Variants in FASTKD1 observed in about 807,000 individuals in gnomAD.
FASTKD1 encodes the protein FAST kinase domain-containing protein 1, mitochondrial.
FASTKD1 carries 94 observed loss-of-function variants against 90.9 expected under a neutral mutation model. That is an observed-to-expected ratio of 1.03 (90% confidence interval 0.88 to 1.23). The LOEUF (loss-of-function observed/expected upper bound fraction) is 1.23. Among genes scored for constraint, FASTKD1 ranks in the 50% most tolerant of loss-of-function variants. FASTKD1 has a pLI of 0.00. For missense variants in FASTKD1, 945 were observed against 993.5 expected, an observed-to-expected ratio of 0.95 and a Z score of 0.66; for synonymous variants, 319 against 345.8, an observed-to-expected ratio of 0.92 and a Z score of 0.86.
intron 9 of FASTKD1, among the ~76,000 whole-genome samples, chr2:169,542,502 G>A (rs888517721): frequency 6.6e-6 from 1 of 152,202 alleles, no homozygotes; most frequent in Non-Finnish European, 1.5e-5. Flanking sequence ...CTCACATATT[G>A]CTTCTGCTAA....
chr2:169,562,327 G>A (rs1245834047), intron 4 of FASTKD1, among the ~76,000 whole-genome samples: 4 of 151,694 alleles, frequency 2.6e-5, no homozygotes, highest in Admixed American at 2.6e-4. Flanking sequence ...CCACCTCCCA[G>A]GTTCAAGTAA....
intron 12 of FASTKD1, among the ~76,000 whole-genome samples, chr2:169,534,702 G>A (rs1040135175): frequency 1.3e-4 from 20 of 151,512 alleles, no homozygotes; most frequent in Middle Eastern, 3.4e-3. Flanking sequence ...CAGGTAATCC[G>A]CCCGCCTCTG....
chr2:169,554,117 A>AG (rs1351262650), intron 7 of FASTKD1, among the ~76,000 whole-genome samples: 19 of 149,508 alleles, frequency 1.3e-4, no homozygotes, highest in African/African-American at 4.2e-4. Context: ...ACAAAAAAAA[A>AG]AAAAATTAGC....
intron 7 of FASTKD1, 149 bp downstream of exon 7, chr2:169,554,975 C>A (rs2592823): frequency 0.4 from 259,085 of 655,824 alleles, 52,876 homozygotes; most frequent in Admixed American, 0.49. Flanking sequence ...GGCAGAATGG[C>A]CACGGAGGGA....
At chr2:169,532,593 T>C (rs1240930984) in intron 12 of FASTKD1, among the ~76,000 whole-genome samples, 1 of 151,228 alleles carries the variant, frequency 6.6e-6, no homozygotes, top group Non-Finnish European at 1.5e-5. Context: ...AGGTTTACAG[T>C]AAAAACATTA....
At position 169,540,065 on chromosome 2, in the gene FASTKD1, T is replaced by A; in HGVS notation, c.1931A>T (p.Asp644Val). The A allele has an allele frequency of 2.5e-6, 4 of 1,588,050 alleles. No individual in the cohort carries two copies. The highest frequency in any genetic ancestry group is 3.4e-6 in the Non-Finnish European group (4 of 1,165,144). Residue 644 changes from aspartate to valine, a missense_variant, in exon 10 of 15, where the codon GAT becomes GTT. Asp to Val is a radical substitution (Grantham distance 152, BLOSUM62 -3). Transcript: ENST00000453153. ...IFNIKFLARL[D>V]SQLEILSPSR... ...TAGATACATACTTTCAAGTTGAGAA[T>A]CCAATCTAGCTAAGAATTTGATGTT...
intron 7 of FASTKD1, among the ~76,000 whole-genome samples, chr2:169,549,619 C>G (rs1355941336): frequency 1.3e-5 from 2 of 151,696 alleles, no homozygotes; most frequent in African/African-American, 2.4e-5. Flanking sequence ...TACATGCCAC[C>G]ACGCCCAGCT....
chr2:169,546,229 G>A lies in FASTKD1; in HGVS notation c.1690C>T (p.Gln564Ter). The change falls in exon 8 of 15, where the codon CAG becomes TAG. Residue 564 changes from glutamine (Q) to a stop codon, truncating the protein, a stop_gained. Transcript: ENST00000453153. LOFTEE classifies it high-confidence loss of function. ...CATTTAAATTTCACCTTTTCAATCT[G>A]CTGAACAGCCACTGAGGCTATCCTA... Reference protein sequence around the residue: ...LDRIASVAVQQIEKIHPFTIP... With the variant: ...LDRIASVAVQ 6.4e-7 allele frequency: 1 copy of A among 1,564,188 alleles called. No homozygotes were observed. The highest frequency in any genetic ancestry group is 8.7e-7 in the Non-Finnish European group (1 of 1,155,186).
At chr2:169,546,995 G>A (rs1449749382) in intron 7 of FASTKD1, among the ~76,000 whole-genome samples, 2 of 152,102 alleles carry the variant, frequency 1.3e-5, no homozygotes, top group Non-Finnish European at 2.9e-5. Context: ...TGGGAACTTG[G>A]TCTCTAAGAC....
intron 9 of FASTKD1, among the ~76,000 whole-genome samples, chr2:169,542,304 C>T (rs1050002981): frequency 9.2e-5 from 14 of 152,098 alleles, no homozygotes; most frequent in South Asian, 2.1e-4. Flanking sequence ...TGAAAAGGAA[C>T]GGTTACTGAG....
At chr2:169,564,335 T>A (rs1683855360) in intron 3 of FASTKD1, among the ~76,000 whole-genome samples, 1 of 152,100 alleles carries the variant, frequency 6.6e-6, no homozygotes, top group Non-Finnish European at 1.5e-5. Flanking sequence ...TTATTATGTT[T>A]TTAAGACACA....
chr2:169,568,628 T>TAAAAAAAAAAAAA (rs10618482), intron 3 of FASTKD1, among the ~76,000 whole-genome samples: 5 of 41,538 alleles, frequency 1.2e-4, no homozygotes, highest in Non-Finnish European at 2.0e-4. Flanking sequence ...CCCTGTCCAT[T>TAAAAAAAAAAAAA]AAAAAAAAAA....
At chr2:169,530,943 C>A (rs1466696360) in intron 13 of FASTKD1, 1 of 691,206 alleles carries the variant, frequency 1.4e-6, no homozygotes, top group South Asian at 1.4e-5. Context: ...TATATTTACA[C>A]ATGCCTACTA....
At position 169,548,647 on chromosome 2, in the gene FASTKD1, G is replaced by T. The variant is rs538236726; in HGVS notation, c.1215-1943C>A. Among the ~76,000 whole-genome samples the T allele has an allele frequency of 2.1e-5, 3 of 146,206 alleles. No individual in the cohort carries two copies. The Admixed American group carries it at 2.1e-4, about 10-fold the overall frequency. On this transcript the variant is annotated intron_variant, in intron 7 of 14. Coordinates refer to ENST00000453153, the MANE Select transcript of FASTKD1 (RefSeq NM_024622.6). ...CTGGGGAGGCTAAGGCATGAGAATC[G>T]CTTGAACCCGGGAGGCGGAGGTTGC...
chr2:169,572,373 T>A (rs1239443876), intron 1 of FASTKD1, among the ~76,000 whole-genome samples: 1 of 151,830 alleles, frequency 6.6e-6, no homozygotes, highest in East Asian at 1.9e-4. Flanking sequence ...GTGTTTTAAA[T>A]CTGACATTTA....
chr2:169,569,471 T>C (rs766458129), intron 2 of FASTKD1, among the ~76,000 whole-genome samples: 6 of 152,216 alleles, frequency 3.9e-5, no homozygotes, highest in Non-Finnish European at 8.8e-5. Flanking sequence ...TTTATCTGCT[T>C]ATTTCAATAC....
At chr2:169,547,496 G>A (rs1317788574) in intron 7 of FASTKD1, among the ~76,000 whole-genome samples, 3 of 152,110 alleles carry the variant, frequency 2.0e-5, no homozygotes, top group African/African-American at 7.2e-5. Flanking sequence ...ACCCAACATT[G>A]TTAACAAAAG....
intron 9 of FASTKD1, among the ~76,000 whole-genome samples, chr2:169,540,987 T>C (rs976840319): frequency 1.3e-5 from 2 of 152,214 alleles, no homozygotes; most frequent in Admixed American, 1.3e-4. Context: ...GCGGAAAGGG[T>C]CACCTAAAAT....
Position 169,560,403 on chromosome 2 carries a change from G to T in FASTKD1, c.955C>A (p.Pro319Thr). ...LFVALGPIAG[P>T]EEKKQLKSTM... Reference sequence around the variant, plus strand: ...TGAACTTACTGTTTCTTTTCTTCAGGTCCTGCAATGGGTCCCAATGCTACA... The same window carrying T: ...TGAACTTACTGTTTCTTTTCTTCAGTTCCTGCAATGGGTCCCAATGCTACA... Residue 319 changes from proline (P) to threonine (T), a missense_variant, in exon 5 of 15, where the codon CCT becomes ACT. Transcript: ENST00000453153. 1.3e-6 allele frequency: 2 copies of T among 1,540,928 alleles called. No homozygotes were observed. Among genetic ancestry groups the T allele is most frequent in the Non-Finnish European group, 1.7e-6 (2 of 1,152,736 alleles).
Sources: allele counts gnomAD v4.1 joint callset (sites outside exome capture counted in the v4.1 genomes callset), GRCh38; gene constraint gnomAD v4.1.1; transcripts MANE v1.5; gene names NCBI Gene and HGNC (gene_info 2026-07-23, HGNC 2026-07-21).